Variants in ATP8A1 observed in about 807,000 individuals in gnomAD.
ATP8A1 encodes ATPase phospholipid transporting 8A1.
ATP8A1 carries 90 observed loss-of-function variants against 177.7 expected under a neutral mutation model. The ratio of observed to expected loss-of-function variants is 0.51; its 90% confidence interval spans 0.43 to 0.60. ATP8A1 has a LOEUF of 0.60. Among genes scored for constraint, ATP8A1 ranks in the 20% least tolerant of loss-of-function variants. The pLI is 0.00. For missense variants in ATP8A1, 1,072 were observed against 1,392.8 expected (o/e 0.77, Z 3.67); for synonymous variants, 493 against 485.9 (o/e 1.01, Z -0.19).
At chr4:42,565,431 A>G (rs1229041050) in intron 15 of ATP8A1, among the ~76,000 whole-genome samples, 1 of 152,218 alleles carries the variant, frequency 6.6e-6, no homozygotes, top group African/African-American at 2.4e-5. Flanking sequence ...ACATAACTAC[A>G]GACCAGAATG....
intron 22 of ATP8A1, among the ~76,000 whole-genome samples, chr4:42,515,378 C>G (rs1352305511): frequency 6.6e-6 from 1 of 152,186 alleles, no homozygotes. Context: ...TTACTGTGAA[C>G]TTGGCAGTCA....
At chr4:42,558,601 C>A (rs1244554273) in intron 15 of ATP8A1, among the ~76,000 whole-genome samples, 2 of 152,128 alleles carry the variant, frequency 1.3e-5, no homozygotes, top group Non-Finnish European at 2.9e-5. Context: ...GTTGTCCTTG[C>A]ATATGACAGT....
chr4:42,567,889 A>T (rs1731514269), intron 15 of ATP8A1, among the ~76,000 whole-genome samples: 1 of 152,200 alleles, frequency 6.6e-6, no homozygotes, highest in Non-Finnish European at 1.5e-5. Context: ...TGGAGAAGGC[A>T]ATTTCTTCTT....
intron 15 of ATP8A1, among the ~76,000 whole-genome samples, chr4:42,558,529 TGAA>T (rs1730485296): frequency 6.6e-6 from 1 of 152,204 alleles, no homozygotes; most frequent in Non-Finnish European, 1.5e-5. Context: ...CAAACAAAAA[TGAA>T]GAATCTCTAT....
intron 8 of ATP8A1, among the ~76,000 whole-genome samples, chr4:42,587,783 C>T (rs911267126): frequency 1.3e-5 from 2 of 151,216 alleles, no homozygotes; most frequent in African/African-American, 4.9e-5. Flanking sequence ...ATTTTTTGTA[C>T]TTTTTTAGTA....
At chr4:42,489,051 A>G (rs1722489725) in intron 24 of ATP8A1, among the ~76,000 whole-genome samples, 1 of 152,172 alleles carries the variant, frequency 6.6e-6, no homozygotes. Flanking sequence ...AGACACACAC[A>G]GAGAGAGGTC....
At chr4:42,458,473 G>C (rs1191435831) in intron 27 of ATP8A1, among the ~76,000 whole-genome samples, 2 of 152,160 alleles carry the variant, frequency 1.3e-5, no homozygotes, top group East Asian at 3.8e-4. Flanking sequence ...TTATGAGGAA[G>C]GAGTCAGACA....
chr4:42,555,589 C>A (rs1203676298), intron 16 of ATP8A1, among the ~76,000 whole-genome samples: 2 of 152,128 alleles, frequency 1.3e-5, no homozygotes, highest in African/African-American at 2.4e-5. Context: ...CTTTGGGAGG[C>A]TGAGGGGGTG....
rs116199976 is a variant in ATP8A1 at position 42,513,641 on chromosome 4, A to T, written c.1948-6487T>A. Among the ~76,000 whole-genome samples, 207 of 152,306 alleles carry T rather than the reference A, an allele frequency of 1.4e-3. 1 individual carries two copies. Among genetic ancestry groups the T allele is most frequent in the African/African-American group, 4.7e-3 (197 of 41,570 alleles). On this transcript the variant is annotated intron_variant, in intron 22 of 36. Transcript: ENST00000381668. ...CATTCAGTCAGTATGGAAATGATAGATGAAGTGACGTGTGGCAGTGAGGAA... is the reference window on the plus strand; with the variant it reads ...CATTCAGTCAGTATGGAAATGATAGTTGAAGTGACGTGTGGCAGTGAGGAA...
intron 20 of ATP8A1, among the ~76,000 whole-genome samples, chr4:42,539,309 C>G (rs552353685): frequency 6.6e-6 from 1 of 151,716 alleles, no homozygotes; most frequent in African/African-American, 2.4e-5. Flanking sequence ...TTGGGTATCG[C>G]GTACACTGCT....
intron 35 of ATP8A1, among the ~76,000 whole-genome samples, chr4:42,419,494 A>C (rs1713617657): frequency 6.6e-6 from 1 of 152,240 alleles, no homozygotes; most frequent in Non-Finnish European, 1.5e-5. Context: ...AATATTGTGA[A>C]TGCAAACAGC....
chr4:42,531,038 C>T (rs1210854103), intron 20 of ATP8A1, among the ~76,000 whole-genome samples: 2 of 151,290 alleles, frequency 1.3e-5, no homozygotes, highest in Non-Finnish European at 3.0e-5. Context: ...TGGGCTCCTC[C>T]TACCTTTAAG....
At position 42,624,442 on chromosome 4, in the gene ATP8A1, A is replaced by C. The variant is rs968068938; in HGVS notation, c.363+94T>G. 35 of 638,024 alleles carry C rather than the reference A, an allele frequency of 5.5e-5. No individual in the cohort carries two copies. The South Asian group carries it at 9.4e-4, about 17-fold the overall frequency. The allele number at this position is 638,024 out of a possible 1,614,324, so 39.5% of individuals were successfully genotyped here. A position where few individuals can be genotyped will look rare whatever the true frequency, so the allele number is the denominator to read the frequency against. On this transcript the variant is annotated intron_variant, in intron 4 of 36. Transcript: ENST00000381668. The stretch of plus-strand genomic sequence containing the variant: ...GTTGAATGGATATTTTAAACAGCCC[A>C]CGCCAAGAATTAAATAATTTAAGAA...
chr4:42,435,462 A>AAAAAAAC (rs1560320673), intron 33 of ATP8A1, among the ~76,000 whole-genome samples: 1 of 92,602 alleles, frequency 1.1e-5, no homozygotes, highest in South Asian at 3.8e-4. Flanking sequence ...AAAAAAAAAA[A>AAAAAAAC]ACAAACTATC....
intron 20 of ATP8A1, among the ~76,000 whole-genome samples, chr4:42,543,509 TC>T (rs1383690678): frequency 1.3e-5 from 2 of 152,206 alleles, no homozygotes; most frequent in African/African-American, 4.8e-5. Context: ...GACAAATTAG[TC>T]CCATGACATA....
intron 15 of ATP8A1, among the ~76,000 whole-genome samples, chr4:42,560,889 T>C (rs936444050): frequency 3.3e-5 from 5 of 152,126 alleles, no homozygotes; most frequent in Non-Finnish European, 5.9e-5. Context: ...CAATTACTTT[T>C]GCACCAACCT....
At chr4:42,514,489 A>G (rs1258720252) in intron 22 of ATP8A1, among the ~76,000 whole-genome samples, 2 of 152,240 alleles carry the variant, frequency 1.3e-5, no homozygotes, top group Non-Finnish European at 2.9e-5. Context: ...CATGAAAAAC[A>G]TATTTCCATC....
rs147986712 is a variant in ATP8A1, at chr4:42,607,547, G to A, written c.410-7029C>T. Among the ~76,000 whole-genome samples the A allele has an allele frequency of 5.3e-3, 797 of 151,746 alleles. 8 individuals carry two copies. Among genetic ancestry groups the A allele is most frequent in the African/African-American group, 0.017 (685 of 41,388 alleles). Reference sequence around the variant, plus strand: ...GACCCGGCACAAACCTAAGTTTAGAGAAAGCAAGAAACAATGCCCAGCCTG... The same window carrying A: ...GACCCGGCACAAACCTAAGTTTAGAAAAAGCAAGAAACAATGCCCAGCCTG... On this transcript the variant is annotated intron_variant, in intron 5 of 36. Coordinates refer to ENST00000381668, the MANE Select transcript of ATP8A1 (RefSeq NM_006095.2).
At chr4:42,606,334 C>T (rs188438772) in intron 5 of ATP8A1, among the ~76,000 whole-genome samples, 1 of 152,318 alleles carries the variant, frequency 6.6e-6, no homozygotes, top group Admixed American at 6.5e-5. Flanking sequence ...CTTTCACCCT[C>T]AACACGGGTG....
Sources: gnomAD v4.1 joint callset for allele counts (sites outside exome capture counted in the v4.1 genomes callset) on GRCh38, gnomAD v4.1.1 for gene constraint, MANE v1.5 for transcripts, NCBI Gene and HGNC (gene_info 2026-07-23, HGNC 2026-07-21) for gene names.